Variants in TRAM2 observed in about 807,000 individuals in gnomAD.
TRAM2 encodes the protein translocating chain-associated membrane protein 2.
TRAM2 carries 12 observed loss-of-function variants against 51.0 expected under a neutral mutation model. That is an observed-to-expected ratio of 0.24 (90% confidence interval 0.15 to 0.38). The LOEUF (loss-of-function observed/expected upper bound fraction) is 0.38, where lower values mean the gene tolerates loss of function less well. TRAM2 is among the 10% of genes least tolerant of loss of function. The pLI is 1.00. For missense variants in TRAM2, 361 were observed against 462.0 expected (o/e 0.78, Z 2.00); for synonymous variants, 175 against 179.4 (o/e 0.98, Z 0.20).
intron 1 of TRAM2, among the ~76,000 whole-genome samples, chr6:52,556,220 G>A (rs1353898316): frequency 6.6e-6 from 1 of 151,768 alleles, no homozygotes; most frequent in Non-Finnish European, 1.5e-5. Flanking sequence ...GGGAGAAGTG[G>A]GGCTCAGAGG....
intron 1 of TRAM2, among the ~76,000 whole-genome samples, chr6:52,571,606 A>C (rs538955495): frequency 1.3e-5 from 2 of 152,286 alleles, no homozygotes; most frequent in Admixed American, 1.3e-4. Flanking sequence ...GTGTTCTAAT[A>C]AGATAGATGT....
Position 52,502,939 on chromosome 6 carries a change from G to T in TRAM2, c.*258C>A, listed in dbSNP as rs9474231. 7.0e-3 allele frequency: 3,917 copies of T among 563,200 alleles called. 129 individuals carry two copies. The highest frequency in any genetic ancestry group is 0.065 in the African/African-American group (3,436 of 53,108). 34.9% of individuals were successfully genotyped at this position (563,200 alleles called of 1,614,324 possible). A position where few individuals can be genotyped will look rare whatever the true frequency, so the allele number is the denominator to read the frequency against. ...CTGGCGTTCCAGAAAAGCCAGCACA[G>T]GACAGGAGTGAGGACAGGAGGTGGC... is the stretch of plus-strand genomic sequence containing the variant. On this transcript the variant is annotated 3_prime_UTR_variant, in exon 11 of 11. Transcript: ENST00000182527.
chr6:52,546,111 T>A (rs1767195234), intron 1 of TRAM2, among the ~76,000 whole-genome samples: 1 of 152,118 alleles, frequency 6.6e-6, no homozygotes, highest in Non-Finnish European at 1.5e-5. Flanking sequence ...CCAGCAACGT[T>A]CTACCTGATC....
chr6:52,572,760 G>GAC (rs1767701680), intron 1 of TRAM2, among the ~76,000 whole-genome samples: 1 of 152,206 alleles, frequency 6.6e-6, no homozygotes, highest in Non-Finnish European at 1.5e-5. Context: ...TGTCTGGGAG[G>GAC]ATATGAACCA....
chr6:52,560,843 G>C (rs187912784), intron 1 of TRAM2, among the ~76,000 whole-genome samples: 1 of 152,248 alleles, frequency 6.6e-6, no homozygotes, highest in East Asian at 1.9e-4. Flanking sequence ...TTTGATGCTG[G>C]CTCCTTGCCT....
At chr6:52,565,200 T>A (rs1156511675) in intron 1 of TRAM2, among the ~76,000 whole-genome samples, 1 of 152,180 alleles carries the variant, frequency 6.6e-6, no homozygotes, top group Non-Finnish European at 1.5e-5. Context: ...GAAGACAATC[T>A]GTGACAGCTA....
At chr6:52,572,179 C>T (rs1247957530) in intron 1 of TRAM2, among the ~76,000 whole-genome samples, 1 of 152,188 alleles carries the variant, frequency 6.6e-6, no homozygotes, top group East Asian at 1.9e-4. Context: ...GAGTACGTGA[C>T]CCTCCTTGGT....
intron 1 of TRAM2, among the ~76,000 whole-genome samples, chr6:52,553,179 TC>T (rs1368520341): frequency 2.6e-5 from 4 of 152,326 alleles, no homozygotes; most frequent in African/African-American, 7.2e-5. Flanking sequence ...TTCCTAATCC[TC>T]CCTGCCTCTC....
chr6:52,530,155 A>G (rs1465022967), intron 2 of TRAM2, among the ~76,000 whole-genome samples: 1 of 152,214 alleles, frequency 6.6e-6, no homozygotes, highest in Non-Finnish European at 1.5e-5. Context: ...TTTAACTGGC[A>G]GTCCTGAATT....
chr6:52,500,806 G>A lies in TRAM2; in HGVS notation c.*2391C>T, dbSNP rs896029286. ...TGCTCACACTACCTCTCCAGCAACT[G>A]GCACAACGCAGGCACCTGGCACATC... On this transcript the variant is annotated 3_prime_UTR_variant, in exon 11 of 11. Transcript: ENST00000182527. The A allele has an allele frequency of 1.3e-5, 2 of 152,320 alleles. No individual in the cohort carries two copies. Among genetic ancestry groups the A allele is most frequent in the African/African-American group, 4.8e-5 (2 of 41,454 alleles). The allele number at this position is 152,320 out of a possible 1,614,324, so 9.4% of individuals were successfully genotyped here.
At position 52,576,809 on chromosome 6, in the gene TRAM2, C is replaced by G; in HGVS notation, c.107G>C (p.Gly36Ala). 1 of 1,613,502 alleles carries G rather than the reference C, an allele frequency of 6.2e-7. No homozygotes were observed. Residue 36 changes from glycine to alanine, a missense_variant, in exon 1 of 11, where the codon GGG becomes GCG. Coordinates refer to ENST00000182527, the MANE Select transcript of TRAM2 (RefSeq NM_012288.4). The part of the protein sequence containing the change: ...GFCLVLCVLI[G>A]LMFEVTAKTA... ...CCAGGCTCTCACCTCGAACATAAGC[C>G]CGATGAGGACGCAGAGCACCAGGCA... is the stretch of plus-strand genomic sequence containing the variant.
chr6:52,566,599 G>T (rs921017530), intron 1 of TRAM2, among the ~76,000 whole-genome samples: 3 of 152,192 alleles, frequency 2.0e-5, no homozygotes, highest in African/African-American at 7.2e-5. Context: ...CAACTCCACG[G>T]CAGGACCTAA....
intron 2 of TRAM2, chr6:52,517,094 C>A (rs978677749): frequency 3.4e-5 from 7 of 207,090 alleles, no homozygotes; most frequent in Non-Finnish European, 2.9e-5. Flanking sequence ...AAAGGACTAA[C>A]CTCTTTGAGC....
chr6:52,529,750 A>G (rs745599526), intron 2 of TRAM2: 1 of 152,288 alleles, frequency 6.6e-6, no homozygotes, highest in Non-Finnish European at 1.5e-5. Flanking sequence ...AAGACAATTC[A>G]GCAAATTAGT....
chr6:52,509,677 AGT>A, intron 4 of TRAM2, 91 bp from the exon 5 acceptor site: 1 of 1,072,462 alleles, frequency 9.3e-7, no homozygotes, highest in Non-Finnish European at 1.4e-6. Flanking sequence ...GGATGCATCC[AGT>A]CCCCACCTGA....
rs375661349 is a variant in TRAM2 at position 52,531,954 on chromosome 6, C to T, written c.184+3829G>A. 6.6e-5 allele frequency among the ~76,000 whole-genome samples: 10 copies of T among 152,244 alleles called. No individual in the cohort carries two copies. The East Asian group carries it at 7.7e-4, about 12-fold the overall frequency. ...CTAACAATAGGCACACAAATATTTG[C>T]CTAGCTTGATTAATTAATTAAGCAA... On this transcript the variant is annotated intron_variant, in intron 2 of 10. Coordinates refer to ENST00000182527, the MANE Select transcript of TRAM2 (RefSeq NM_012288.4).
chr6:52,526,152 G>GACACACACAC (rs775593303), intron 2 of TRAM2, among the ~76,000 whole-genome samples: 39 of 28,862 alleles, frequency 1.4e-3, no homozygotes, highest in Middle Eastern at 8.9e-3. Context: ...CACACAGACA[G>GACACACACAC]ACACACACAC....
At chr6:52,509,721 CA>C in intron 4 of TRAM2, 135 bp from the exon 5 acceptor site, 1 of 749,238 alleles carries the variant, frequency 1.3e-6, no homozygotes, top group Non-Finnish European at 2.2e-6. Context: ...AATGTGAAAA[CA>C]GAGAACTTCT....
At chr6:52,533,199 T>C (rs1766923141) in intron 2 of TRAM2, among the ~76,000 whole-genome samples, 1 of 152,206 alleles carries the variant, frequency 6.6e-6, no homozygotes, top group Admixed American at 6.5e-5. Context: ...ACAATGTGAA[T>C]GTACCTAATG....
Sources: allele counts gnomAD v4.1 joint callset (sites outside exome capture counted in the v4.1 genomes callset), GRCh38; gene constraint gnomAD v4.1.1; transcripts MANE v1.5; gene names NCBI Gene and HGNC (gene_info 2026-07-23, HGNC 2026-07-21).